Variants in KIAA1328 observed in about 807,000 individuals in gnomAD.
The protein encoded by KIAA1328 is KIAA1328, also known as protein hinderin.
KIAA1328 carries 52 observed loss-of-function variants against 68.1 expected under a neutral mutation model. The observed-to-expected ratio is 0.76, with a 90% CI of 0.61 to 0.96. The LOEUF is 0.96. Among genes scored for constraint, KIAA1328 ranks in the 40% least tolerant of loss-of-function variants. The probability of loss-of-function intolerance (pLI) is 0.00; values close to 1 mark genes in which losing one functional copy is unlikely to be tolerated. For missense variants in KIAA1328, 641 were observed against 677.6 expected (o/e 0.95, Z 0.60); for synonymous variants, 232 against 239.4 (o/e 0.97, Z 0.28).
chr18:37,006,673 C>T (rs549728102), intron 6 of KIAA1328, among the ~76,000 whole-genome samples: 1 of 152,154 alleles, frequency 6.6e-6, no homozygotes, highest in East Asian at 1.9e-4. Flanking sequence ...CCCCGCTCCC[C>T]CAACCCCATG....
In KIAA1328 at chr18:37,220,072, T is replaced by C. The variant is rs1478566173; in HGVS notation, c.1524-1945T>C. On this transcript the variant is annotated intron_variant, in intron 9 of 9. Coordinates refer to ENST00000280020, the MANE Select transcript of KIAA1328 (RefSeq NM_020776.3). ...TTTGTAGGCTGTGCCAACATTTGCATAGATTTCTAATAAAGTATTTCCAAA... is the reference window on the plus strand; with the variant it reads ...TTTGTAGGCTGTGCCAACATTTGCACAGATTTCTAATAAAGTATTTCCAAA... Among the ~76,000 whole-genome samples, 8 of 152,374 alleles carry C rather than the reference T, an allele frequency of 5.3e-5. 1 individual carries two copies. The Middle Eastern group carries it at 0.014, about 259-fold the overall frequency.
chr18:36,938,187 A>G (rs529447099), intron 5 of KIAA1328, among the ~76,000 whole-genome samples: 7 of 152,320 alleles, frequency 4.6e-5, no homozygotes, highest in African/African-American at 9.6e-5. Flanking sequence ...ACTGCTTTCC[A>G]TAATGGCTCT....
intron 6 of KIAA1328, among the ~76,000 whole-genome samples, chr18:37,029,536 G>T (rs2054737462): frequency 3.9e-5 from 6 of 152,078 alleles, no homozygotes; most frequent in Admixed American, 3.9e-4. Flanking sequence ...ACCATGAGTG[G>T]CTAATTTTTT....
At chr18:36,879,636 C>T (rs1303158120) in intron 4 of KIAA1328, among the ~76,000 whole-genome samples, 4 of 152,170 alleles carry the variant, frequency 2.6e-5, no homozygotes, top group African/African-American at 7.2e-5. Context: ...CACAGCCACC[C>T]CTTCCCCCAG....
chr18:36,937,106 G>A (rs2050528454), intron 5 of KIAA1328, among the ~76,000 whole-genome samples: 1 of 152,110 alleles, frequency 6.6e-6, no homozygotes, highest in Non-Finnish European at 1.5e-5. Context: ...ACAATCAATG[G>A]GGAAAGGATC....
intron 8 of KIAA1328, among the ~76,000 whole-genome samples, chr18:37,168,159 C>A (rs1179686753): frequency 6.6e-6 from 1 of 152,214 alleles, no homozygotes; most frequent in Non-Finnish European, 1.5e-5. Flanking sequence ...CAAAATCCAA[C>A]ATTCTTTCAT....
intron 6 of KIAA1328, among the ~76,000 whole-genome samples, chr18:37,000,068 A>G (rs1378228813): frequency 6.6e-6 from 1 of 152,106 alleles, no homozygotes; most frequent in Non-Finnish European, 1.5e-5. Context: ...GAATATTTAA[A>G]TGGATAAAAA....
intron 5 of KIAA1328, among the ~76,000 whole-genome samples, chr18:36,945,885 A>G (rs1188842497): frequency 1.3e-5 from 2 of 152,214 alleles, no homozygotes; most frequent in Non-Finnish European, 2.9e-5. Flanking sequence ...TTGTTATTAC[A>G]TGTTGAATAT....
chr18:36,969,877 G>A (rs8083306), intron 6 of KIAA1328, among the ~76,000 whole-genome samples: 90,512 of 151,652 alleles, frequency 0.6, 28,812 homozygotes, highest in East Asian at 0.87. Flanking sequence ...TCTACCAGAG[G>A]ACAAACAGGA....
At chr18:36,919,160 C>T (rs1207693523) in intron 5 of KIAA1328, among the ~76,000 whole-genome samples, 2 of 152,058 alleles carry the variant, frequency 1.3e-5, no homozygotes, top group South Asian at 4.1e-4. Context: ...TCTATTTTAT[C>T]ATCATGAAAT....
At chr18:36,963,246 T>C (rs767059460) in intron 6 of KIAA1328, among the ~76,000 whole-genome samples, 10 of 152,194 alleles carry the variant, frequency 6.6e-5, no homozygotes, top group Non-Finnish European at 1.3e-4. Context: ...CTCTTGCCTA[T>C]TGCTTTTCAG....
chr18:37,002,228 C>CTTTTTTTTTTTTTTTT (rs145948250), intron 6 of KIAA1328, among the ~76,000 whole-genome samples: 3 of 95,164 alleles, frequency 3.2e-5, no homozygotes, highest in East Asian at 3.4e-4. Context: ...ATTTTTTTTT[C>CTTTTTTTTTTTTTTTT]TTTTTTTTTT....
chr18:37,142,050 T>C (rs2058776577), intron 7 of KIAA1328, among the ~76,000 whole-genome samples: 1 of 152,214 alleles, frequency 6.6e-6, no homozygotes, highest in Non-Finnish European at 1.5e-5. Context: ...TTTTTAATAT[T>C]GATGAAAGTT....
chr18:37,039,204 A>G lies in KIAA1328; in HGVS notation c.577-27686A>G, dbSNP rs570361808. ...GAGATCTTTGTATATTTTTGGTATT[A>G]TGGTAATACTTGTCTCTTATAATAT... On this transcript the variant is annotated intron_variant, in intron 6 of 9. Coordinates refer to ENST00000280020, the MANE Select transcript of KIAA1328 (RefSeq NM_020776.3). Among the ~76,000 whole-genome samples the G allele has an allele frequency of 2.9e-4, 44 of 152,188 alleles. 1 individual carries two copies. In the South Asian group the frequency reaches 9.1e-3, roughly 32 times the overall value.
intron 7 of KIAA1328, among the ~76,000 whole-genome samples, chr18:37,098,405 T>C (rs2057483515): frequency 6.6e-6 from 1 of 152,244 alleles, no homozygotes; most frequent in Non-Finnish European, 1.5e-5. Context: ...GAACCAGCCT[T>C]GCATCCCAGG....
intron 5 of KIAA1328, among the ~76,000 whole-genome samples, chr18:36,901,421 A>G (rs1009428998): frequency 6.6e-6 from 1 of 152,046 alleles, no homozygotes; most frequent in Admixed American, 6.6e-5. Flanking sequence ...CATGTGCACT[A>G]TTAGCTTTTG....
At chr18:36,992,092 A>C (rs1369437019) in intron 6 of KIAA1328, among the ~76,000 whole-genome samples, 1 of 152,090 alleles carries the variant, frequency 6.6e-6, no homozygotes, top group African/African-American at 2.4e-5. Context: ...GTTTTTGCCC[A>C]CTTTTCTTTT....
At chr18:37,112,578 T>A (rs2057965615) in intron 7 of KIAA1328, among the ~76,000 whole-genome samples, 1 of 152,194 alleles carries the variant, frequency 6.6e-6, no homozygotes, top group East Asian at 1.9e-4. Context: ...CTGAAAATTC[T>A]AAAAATCAGA....
chr18:36,995,630 A>G (rs1456611169), intron 6 of KIAA1328, among the ~76,000 whole-genome samples: 6 of 152,246 alleles, frequency 3.9e-5, no homozygotes, highest in Non-Finnish European at 5.9e-5. Flanking sequence ...ACACGGTAGT[A>G]AAACAATAAA....
Sources: gnomAD v4.1 joint callset for allele counts (sites outside exome capture counted in the v4.1 genomes callset) on GRCh38, gnomAD v4.1.1 for gene constraint, MANE v1.5 for transcripts, NCBI Gene and HGNC (gene_info 2026-07-23, HGNC 2026-07-21) for gene names.